The following NAPG variants were observed in gnomAD, a reference collection of about 807,000 sequenced individuals.
NAPG encodes gamma-soluble NSF attachment protein.
Under a neutral mutation model 48.4 loss-of-function variants are expected in NAPG, and 25 were observed. The observed-to-expected ratio is 0.52, with a 90% CI of 0.38 to 0.72. The LOEUF (loss-of-function observed/expected upper bound fraction) is 0.72, where lower values mean the gene tolerates loss of function less well. Ranked by LOEUF, NAPG falls within the 30% of genes least tolerant of loss-of-function variation. NAPG has a pLI of 0.00. For synonymous variants in NAPG, 139 were observed against 127.2 expected, an observed-to-expected ratio of 1.09 and a Z score of -0.62; for missense variants, 359 against 372.5, an observed-to-expected ratio of 0.96 and a Z score of 0.30.
chr18:10,526,031 T>G lies in NAPG; in HGVS notation c.-72T>G. ...TCCTCCTCGGCGTTCCCACGCCTAT[T>G]TGGGCGGATTCTTGGCGCCGGAGGA... On this transcript the variant is annotated 5_prime_UTR_variant, in exon 1 of 12. The change creates a new upstream start codon in the 5' untranslated region. Coordinates refer to ENST00000322897, the MANE Select transcript of NAPG (RefSeq NM_003826.3). 6.8e-7 allele frequency: 1 copy of G among 1,463,338 alleles called. No homozygotes were observed. The highest frequency in any genetic ancestry group is 1.1e-5 in the South Asian group (1 of 87,348). The allele number at this position is 1,463,338 out of a possible 1,614,324, so 90.6% of individuals were successfully genotyped here. A position where few individuals can be genotyped will look rare whatever the true frequency, so the allele number is the denominator to read the frequency against.
chr18:10,546,422 T>C lies in NAPG; in HGVS notation c.585+18T>C. The C allele has an allele frequency of 7.0e-7, 1 of 1,422,036 alleles. No individual in the cohort carries two copies. Among genetic ancestry groups the C allele is most frequent in the South Asian group, 1.3e-5 (1 of 78,512 alleles). 88.1% of individuals were successfully genotyped at this position (1,422,036 alleles called of 1,614,324 possible). ...GTTATAAGGTATTCTTTGAAAGTGT[T>C]TGTTTTTGGTATTACATTAGATGAT... On this transcript the variant is annotated intron_variant, in intron 9 of 11. Transcript: ENST00000322897. The surrounding 1 kb of genome is among the most constrained non-coding windows in gnomAD (Gnocchi z 4.0).
rs371701856 is a variant in NAPG at position 10,549,065 on chromosome 18, A to G, written c.764A>G (p.Asn255Ser). 70 of 1,613,790 alleles carry G rather than the reference A, an allele frequency of 4.3e-5. No individual in the cohort carries two copies. In the African/African-American group the frequency reaches 9.1e-4, roughly 21 times the overall value. ...CAAGATCAGGTGTCAGATGTCTGCA[A>G]CTCACCGCTTTTCAAGTACATGGAC... The part of the protein sequence containing the change: ...QDQDQVSDVC[N>S]SPLFKYMDND... The change falls in exon 11 of 12, where the codon AAC (asparagine) becomes AGC (serine). Residue 255 changes from asparagine (N) to serine (S), a missense_variant. By Grantham distance (46) the Asn-to-Ser change is conservative. Transcript: ENST00000322897.
chr18:10,538,216 C>T (rs2032074830), intron 5 of NAPG, among the ~76,000 whole-genome samples: 1 of 151,938 alleles, frequency 6.6e-6, no homozygotes, highest in South Asian at 2.1e-4. Flanking sequence ...CTCAGATGAA[C>T]TCAGGGTGTA....
chr18:10,540,472 G>C, intron 8 of NAPG, 73 bp downstream of exon 8: 1 of 1,296,166 alleles, frequency 7.7e-7, no homozygotes, highest in East Asian at 2.3e-5. Context: ...AAAGTAATTT[G>C]GGGGATAGCT....
In NAPG at chr18:10,534,310, A is replaced by G. The variant is rs2031988466; in HGVS notation, c.228-156A>G. Among the ~76,000 whole-genome samples, 2 of 152,238 alleles carry G rather than the reference A, an allele frequency of 1.3e-5. No individual in the cohort carries two copies. Among genetic ancestry groups the G allele is most frequent in the East Asian group, 3.8e-4 (2 of 5,198 alleles). On this transcript the variant is annotated intron_variant, in intron 4 of 11. Transcript: ENST00000322897. The surrounding 1 kb of genome is among the most constrained non-coding windows in gnomAD (Gnocchi z 5.0). ...ATTCCCCACAAAAAAAGAATAAAAA[A>G]TTATATTGTGTGGTAATATAAGCCT...
At chr18:10,541,694 C>T (rs1375342297) in intron 8 of NAPG, among the ~76,000 whole-genome samples, 1 of 152,184 alleles carries the variant, frequency 6.6e-6, no homozygotes, top group Non-Finnish European at 1.5e-5. Context: ...CGACAAGACT[C>T]CCAGTGCCTT....
rs537439003 is a variant in NAPG, at chr18:10,551,318, GTTTAT to G, written c.*1102_*1106del. 1.3e-3 allele frequency: 195 copies of G among 152,086 alleles called. No homozygotes were observed. The highest frequency in any genetic ancestry group is 4.3e-3 in the African/African-American group (180 of 41,508). 9.4% of individuals were successfully genotyped at this position (152,086 alleles called of 1,614,324 possible). ...AGATATATTTCTTCCCTCCAAAACA[GTTTAT>G]TTTGATTGTTTATTTTATTTTGATT... is the stretch of plus-strand genomic sequence containing the variant. On this transcript the variant is annotated 3_prime_UTR_variant, in exon 12 of 12. Transcript: ENST00000322897.
In NAPG at chr18:10,546,452, T is replaced by C; in HGVS notation, c.585+48T>C. ...TTTGGTATTACATTAGATGATTTTT[T>C]ATACTGGTATGAATAAGTACTTAAG... On this transcript the variant is annotated intron_variant, in intron 9 of 11. Transcript: ENST00000322897. The surrounding 1 kb of genome is among the most constrained non-coding windows in gnomAD (Gnocchi z 4.0). The C allele has an allele frequency of 9.2e-7, 1 of 1,087,832 alleles. No individual in the cohort carries two copies. The highest frequency in any genetic ancestry group is 1.3e-6 in the Non-Finnish European group (1 of 750,786). The allele number at this position is 1,087,832 out of a possible 1,614,324, so 67.4% of individuals were successfully genotyped here. A position where few individuals can be genotyped will look rare whatever the true frequency, so the allele number is the denominator to read the frequency against.
chr18:10,527,554 A>C (rs1002743878), intron 1 of NAPG, among the ~76,000 whole-genome samples: 16 of 152,222 alleles, frequency 1.1e-4, no homozygotes, highest in Admixed American at 9.2e-4. Flanking sequence ...GACCACAAAA[A>C]AGCTGTATTA....
chr18:10,539,765 A>G lies in NAPG; in HGVS notation c.262A>G (p.Met88Val), dbSNP rs1364799856. The change falls in exon 6 of 12, where the codon ATG becomes GTG. Residue 88 changes from methionine to valine, a missense_variant. Met to Val is a conservative substitution (Grantham distance 21). Transcript: ENST00000322897. This position sits in a 1 kb window ranked among gnomAD's most constrained non-coding sequence, Gnocchi z 4.7. Reference sequence around the variant, plus strand: ...CTACTGTATCCTTTGCCCAAAGGAGATGCAGAAACTACCAGAGGCCGTTCA... The same window carrying G: ...CTACTGTATCCTTTGCCCAAAGGAGGTGCAGAAACTACCAGAGGCCGTTCA... ...YEQAGMMLKE[M>V]QKLPEAVQLI... 1.2e-6 allele frequency: 2 copies of G among 1,613,730 alleles called. No homozygotes were observed. Among genetic ancestry groups the G allele is most frequent in the East Asian group, 2.2e-5 (1 of 44,900 alleles).
At chr18:10,526,240 G>T in intron 1 of NAPG, 82 bp downstream of exon 1, 3 of 796,780 alleles carry the variant, frequency 3.8e-6, no homozygotes, top group South Asian at 1.4e-5. Context: ...CGGGGGGGGC[G>T]GGAGGGAGGG....
At chr18:10,538,374 G>A (rs2032079094) in intron 5 of NAPG, among the ~76,000 whole-genome samples, 1 of 152,166 alleles carries the variant, frequency 6.6e-6, no homozygotes, top group South Asian at 2.1e-4. Flanking sequence ...CAAGCCTGCT[G>A]ATGCCGTAGC....
Position 10,534,433 on chromosome 18 carries a change from G to A in NAPG, c.228-33G>A. 1.2e-6 allele frequency: 2 copies of A among 1,609,084 alleles called. No homozygotes were observed. The highest frequency in any genetic ancestry group is 1.1e-5 in the South Asian group (1 of 90,886). ...TTTCTTCTACCCCTTATTTCGTTAA[G>A]ATCTCATCAGAGAAATTATATTCTC... On this transcript the variant is annotated intron_variant, in intron 4 of 11. Transcript: ENST00000322897. This position sits in a 1 kb window ranked among gnomAD's most constrained non-coding sequence, Gnocchi z 5.0.
intron 5 of NAPG, among the ~76,000 whole-genome samples, chr18:10,535,861 T>C (rs781379596): frequency 4.1e-4 from 62 of 152,350 alleles, no homozygotes; most frequent in Non-Finnish European, 8.2e-4. Context: ...TGGCCAAACA[T>C]GCAACTGAAT....
intron 1 of NAPG, among the ~76,000 whole-genome samples, chr18:10,527,047 G>A (rs1178909183): frequency 2.0e-5 from 3 of 152,004 alleles, no homozygotes; most frequent in Admixed American, 6.5e-5. Context: ...AATTAGCCGG[G>A]CGTGGTGGCG....
intron 8 of NAPG, among the ~76,000 whole-genome samples, chr18:10,545,528 T>C (rs993726748): frequency 6.6e-6 from 1 of 152,178 alleles, no homozygotes; most frequent in African/African-American, 2.4e-5. Context: ...GAGCAGTGGC[T>C]AAAGACTGTA....
Position 10,539,693 on chromosome 18 carries a change from A to G in NAPG, c.259-69A>G. 8.1e-7 allele frequency: 1 copy of G among 1,235,172 alleles called. No individual in the cohort carries two copies. The highest frequency in any genetic ancestry group is 1.2e-6 in the Non-Finnish European group (1 of 848,094). The allele number at this position is 1,235,172 out of a possible 1,614,324, so 76.5% of individuals were successfully genotyped here. On this transcript the variant is annotated intron_variant, in intron 5 of 11. Coordinates refer to ENST00000322897, the MANE Select transcript of NAPG (RefSeq NM_003826.3). This position sits in a 1 kb window ranked among gnomAD's most constrained non-coding sequence, Gnocchi z 4.7. Reference sequence around the variant, plus strand: ...TTAAAATAAAAAATAATTGCATTTCAGATTGTTAACTCTGTTTTTCTTTAA... The same window carrying G: ...TTAAAATAAAAAATAATTGCATTTCGGATTGTTAACTCTGTTTTTCTTTAA...
intron 9 of NAPG, among the ~76,000 whole-genome samples, chr18:10,547,119 C>T (rs1203024808): frequency 4.6e-5 from 7 of 152,252 alleles, no homozygotes; most frequent in Non-Finnish European, 7.3e-5. Context: ...CAGCGCAAAG[C>T]TTGGAGAGCT....
chr18:10,529,543 C>G (rs2031886232), intron 1 of NAPG, among the ~76,000 whole-genome samples: 1 of 152,142 alleles, frequency 6.6e-6, no homozygotes, highest in East Asian at 1.9e-4. Context: ...CACTTGAGGC[C>G]AGGAGTTCGA....
Sources: gnomAD v4.1 joint callset for allele counts (sites outside exome capture counted in the v4.1 genomes callset) on GRCh38, gnomAD v4.1.1 for gene constraint, Gnocchi (gnomAD v3.1) non-coding constraint, MANE v1.5 for transcripts, NCBI Gene and HGNC (gene_info 2026-07-23, HGNC 2026-07-21) for gene names.